The following RIT2 variants were observed in gnomAD, a reference collection of about 807,000 sequenced individuals.
RIT2 encodes Ras like without CAAX 2.
RIT2 carries 24 observed loss-of-function variants against 23.7 expected under a neutral mutation model. That is an observed-to-expected ratio of 1.01 (90% confidence interval 0.73 to 1.43). The LOEUF is 1.43. Ranked by LOEUF, RIT2 falls within the 40% of genes most tolerant of loss-of-function variation. The probability of loss-of-function intolerance (pLI) is 0.00; values close to 1 mark genes in which losing one functional copy is unlikely to be tolerated. For synonymous variants in RIT2, 107 were observed against 91.1 expected, an observed-to-expected ratio of 1.17 and a Z score of -0.99; for missense variants, 236 against 266.9, an observed-to-expected ratio of 0.88 and a Z score of 0.81.
intron 4 of RIT2, among the ~76,000 whole-genome samples, chr18:42,922,696 G>C (rs1409994286): frequency 1.3e-5 from 2 of 152,102 alleles, no homozygotes; most frequent in African/African-American, 4.8e-5. Context: ...GACCAGAAGA[G>C]AAGAAAATAT....
At chr18:42,780,374 G>T (rs572276637) in intron 4 of RIT2, among the ~76,000 whole-genome samples, 8 of 152,048 alleles carry the variant, frequency 5.3e-5, no homozygotes, top group African/African-American at 1.9e-4. Flanking sequence ...GCAGGAAAGG[G>T]TTCTGGAAGC....
intron 2 of RIT2, among the ~76,000 whole-genome samples, chr18:43,020,312 C>T (rs1462506038): frequency 6.6e-6 from 1 of 151,940 alleles, no homozygotes; most frequent in African/African-American, 2.4e-5. Context: ...TGGTGAAACC[C>T]TCTGTCAACT....
At chr18:42,977,570 A>T (rs1910503080) in intron 2 of RIT2, among the ~76,000 whole-genome samples, 1 of 151,950 alleles carries the variant, frequency 6.6e-6, no homozygotes, top group South Asian at 2.1e-4. Context: ...TAACTCTCAC[A>T]AATCAGATTA....
At chr18:42,753,277 A>C (rs1913089078) in intron 4 of RIT2, among the ~76,000 whole-genome samples, 1 of 152,252 alleles carries the variant, frequency 6.6e-6, no homozygotes, top group African/African-American at 2.4e-5. Context: ...GTAAAAATAA[A>C]ATACAATAAA....
chr18:42,854,898 A>C (rs1907143395), intron 4 of RIT2, among the ~76,000 whole-genome samples: 1 of 152,136 alleles, frequency 6.6e-6, no homozygotes, highest in Non-Finnish European at 1.5e-5. Flanking sequence ...TACTACCCAG[A>C]CCCCAAATCC....
intron 4 of RIT2, among the ~76,000 whole-genome samples, chr18:42,834,333 G>A (rs557914630): frequency 2.0e-4 from 30 of 152,198 alleles, no homozygotes; most frequent in African/African-American, 7.2e-4. Flanking sequence ...CTGGGTACAT[G>A]GACAATTCGT....
chr18:42,874,824 TG>T (rs1907704662), intron 4 of RIT2, among the ~76,000 whole-genome samples: 1 of 152,092 alleles, frequency 6.6e-6, no homozygotes, highest in Non-Finnish European at 1.5e-5. Flanking sequence ...TGTCCATAGT[TG>T]GGGAAAGAGA....
intron 4 of RIT2, among the ~76,000 whole-genome samples, chr18:42,916,580 C>T (rs894645260): frequency 3.9e-5 from 6 of 152,196 alleles, no homozygotes; most frequent in African/African-American, 9.6e-5. Flanking sequence ...TCACACAATT[C>T]GTATGCACTT....
chr18:42,943,011 A>G (rs1337982124), intron 3 of RIT2, among the ~76,000 whole-genome samples: 1 of 152,018 alleles, frequency 6.6e-6, no homozygotes, highest in East Asian at 1.9e-4. Flanking sequence ...GGTGAGTGTT[A>G]CACCTCTTAA....
intron 4 of RIT2, among the ~76,000 whole-genome samples, chr18:42,858,836 G>T (rs541011920): frequency 6.6e-6 from 1 of 152,252 alleles, no homozygotes; most frequent in Admixed American, 6.5e-5. Context: ...ATTGTTTCAT[G>T]TAGCATAATG....
At chr18:42,959,325 G>T (rs1389868636) in intron 3 of RIT2, among the ~76,000 whole-genome samples, 1 of 152,080 alleles carries the variant, frequency 6.6e-6, no homozygotes, top group Non-Finnish European at 1.5e-5. Flanking sequence ...CAACAAAAAT[G>T]CTTTTTTATA....
chr18:43,011,973 G>T (rs1911360907), intron 2 of RIT2, among the ~76,000 whole-genome samples: 1 of 151,796 alleles, frequency 6.6e-6, no homozygotes, highest in Admixed American at 6.6e-5. Context: ...GATATTTAAG[G>T]TCGGGAGAGC....
chr18:42,880,068 G>A (rs1464095935), intron 4 of RIT2, among the ~76,000 whole-genome samples: 1 of 152,102 alleles, frequency 6.6e-6, no homozygotes, highest in Non-Finnish European at 1.5e-5. Flanking sequence ...TTCCCTTAAG[G>A]GATCTGGTGT....
chr18:43,076,019 T>A (rs1306162127), intron 1 of RIT2, among the ~76,000 whole-genome samples: 3 of 152,172 alleles, frequency 2.0e-5, no homozygotes, highest in Admixed American at 1.3e-4. Context: ...CAAGCTGAGA[T>A]GAAGGACAAT....
intron 4 of RIT2, among the ~76,000 whole-genome samples, chr18:42,878,608 T>C (rs1350979002): frequency 1.3e-5 from 2 of 151,394 alleles, no homozygotes; most frequent in Non-Finnish European, 3.0e-5. Context: ...TATGTGTGTA[T>C]AAGTTATATA....
At chr18:42,956,994 G>C (rs1464373111) in intron 3 of RIT2, among the ~76,000 whole-genome samples, 5 of 152,120 alleles carry the variant, frequency 3.3e-5, no homozygotes, top group Non-Finnish European at 5.9e-5. Context: ...GGCAAAGACT[G>C]TTTGGTGTCT....
chr18:42,830,653 C>T lies in RIT2; in HGVS notation c.427-86933G>A, dbSNP rs1014850416. Among the ~76,000 whole-genome samples, 7 of 152,276 alleles carry T rather than the reference C, an allele frequency of 4.6e-5. No homozygotes were observed. In the East Asian group the frequency reaches 1.2e-3, roughly 25 times the overall value. On this transcript the variant is annotated intron_variant, in intron 4 of 4. Transcript: ENST00000326695. Reference sequence around the variant, plus strand: ...TAATAATCTGTAGCTGAAAACAGGGCTGCCAAATGAGACTAGAACTCAGAG... The same window carrying T: ...TAATAATCTGTAGCTGAAAACAGGGTTGCCAAATGAGACTAGAACTCAGAG...
chr18:42,838,789 C>T (rs1266043943), intron 4 of RIT2, among the ~76,000 whole-genome samples: 2 of 152,176 alleles, frequency 1.3e-5, no homozygotes, highest in Admixed American at 6.5e-5. Context: ...ACCCTAAAGC[C>T]CATGAGTCCG....
chr18:42,979,510 T>G (rs951144745), intron 2 of RIT2, among the ~76,000 whole-genome samples: 2 of 152,150 alleles, frequency 1.3e-5, no homozygotes, highest in Admixed American at 1.3e-4. Context: ...AGGCAATAAA[T>G]AGTACAAAGT....
Sources: allele counts gnomAD v4.1 joint callset (sites outside exome capture counted in the v4.1 genomes callset), GRCh38; gene constraint gnomAD v4.1.1; transcripts MANE v1.5; gene names NCBI Gene and HGNC (gene_info 2026-07-23, HGNC 2026-07-21).